The following CDH1 variants were observed in gnomAD, a reference collection of about 807,000 sequenced individuals.
The protein encoded by CDH1 is cadherin 1, also known as cadherin-1.
A neutral mutation model predicts 84.5 loss-of-function variants in CDH1; 35 were observed. The observed-to-expected ratio is 0.41, with a 90% confidence interval of 0.32 to 0.55. The LOEUF is 0.55. Ranked by LOEUF, CDH1 falls within the 20% of genes least tolerant of loss-of-function variation. CDH1 has a pLI of 0.19. For synonymous variants in CDH1, 417 were observed against 439.0 expected (o/e 0.95, Z 0.63); for missense variants, 994 against 1,126.6 (o/e 0.88, Z 1.68).
At position 68,835,265 on chromosome 16, in the gene CDH1, C is replaced by G. The variant is rs1567518896; in HGVS notation, c.*1766C>G. 1 of 228,182 alleles carries G rather than the reference C, an allele frequency of 4.4e-6. No homozygotes were observed. The highest frequency in any genetic ancestry group is 8.7e-6 in the Non-Finnish European group (1 of 115,042). 14.1% of individuals were successfully genotyped at this position (228,182 alleles called of 1,614,324 possible). The stretch of plus-strand genomic sequence containing the variant: ...CAACTTTTGACAATCAAAGAAAAGA[C>G]TTTTGTTGAAATAGCTTTACTGTTT... On this transcript the variant is annotated 3_prime_UTR_variant, in exon 16 of 16. Coordinates refer to ENST00000261769, the MANE Select transcript of CDH1 (RefSeq NM_004360.5).
At chr16:68,760,088 T>TATATA (rs1567482267) in intron 2 of CDH1, among the ~76,000 whole-genome samples, 2,101 of 63,054 alleles carry the variant, frequency 0.033, 22 homozygotes, top group East Asian at 0.092. Flanking sequence ...ATATATATAT[T>TATATA]TTTTTTTTTT....
At chr16:68,825,425 A>T (rs1961294153) in intron 13 of CDH1, among the ~76,000 whole-genome samples, 2 of 152,164 alleles carry the variant, frequency 1.3e-5, no homozygotes. Context: ...AGTGGGACCA[A>T]ATCTAGGGTT....
intron 2 of CDH1, among the ~76,000 whole-genome samples, chr16:68,751,493 CTTAT>C (rs55979620): frequency 4.2e-4 from 63 of 149,234 alleles, no homozygotes; most frequent in South Asian, 1.1e-3. Context: ...TCTTGAACCC[CTTAT>C]TTATTTATTT....
chr16:68,750,370 C>G (rs1005170895), intron 2 of CDH1, among the ~76,000 whole-genome samples: 3 of 150,818 alleles, frequency 2.0e-5, no homozygotes, highest in Non-Finnish European at 4.4e-5. Flanking sequence ...AACTCTTGTT[C>G]CAAATGAGAC....
At chr16:68,804,738 A>C (rs1027263548) in intron 3 of CDH1, among the ~76,000 whole-genome samples, 3 of 151,930 alleles carry the variant, frequency 2.0e-5, no homozygotes, top group African/African-American at 7.3e-5. Flanking sequence ...GTGGTACTGT[A>C]ATTAGATGGC....
intron 2 of CDH1, among the ~76,000 whole-genome samples, chr16:68,785,023 GA>G (rs34654863): frequency 0.028 from 4,268 of 150,084 alleles, 71 homozygotes; most frequent in Non-Finnish European, 0.045. Context: ...GGACACCATT[GA>G]AAAAAAAATA....
rs534442001 is a variant in CDH1 at position 68,810,136 on chromosome 16, C to T, written c.688-61C>T. The T allele has an allele frequency of 1.3e-4, 208 of 1,595,344 alleles. 1 individual carries two copies. In the African/African-American group the frequency reaches 1.4e-3, roughly 10 times the overall value. ...GGGGGCGCACTCTGCTCTGGCTGGG[C>T]CCCTTCTCCCATGTTTTCTTCCTCA... On this transcript the variant is annotated intron_variant, in intron 5 of 15. Transcript: ENST00000261769.
rs1485238301 is a variant in CDH1, at chr16:68,738,322, C to T, written c.74C>T (p.Pro25Leu). The part of the protein sequence containing the change: ...LQVSSWLCQE[P>L]EPCHPGFDAE... ...GTCTCCTCTTGGCTCTGCCAGGAGC[C>T]GGAGCCCTGCCACCCTGGCTTTGAC... The change falls in exon 2 of 16, where the codon CCG becomes CTG. Residue 25 changes from proline (P) to leucine (L), a missense_variant. Physicochemically the swap from Pro to Leu is moderately conservative, Grantham distance 98. This residue lies in a region of CDH1 where 203 missense variants were observed against 194.0 expected (regional missense o/e 1.05). Transcript: ENST00000261769. The T allele has an allele frequency of 6.4e-7, 1 of 1,551,292 alleles. No individual in the cohort carries two copies. Among genetic ancestry groups the T allele is most frequent in the South Asian group, 1.2e-5 (1 of 84,040 alleles).
chr16:68,785,710 A>T (rs1353989198), intron 2 of CDH1, among the ~76,000 whole-genome samples: 1 of 151,550 alleles, frequency 6.6e-6, no homozygotes, highest in Non-Finnish European at 1.5e-5. Flanking sequence ...ATGTGTCTTG[A>T]CGATCATTCC....
At position 68,812,222 on chromosome 16, in the gene CDH1, A is replaced by G. The variant is rs1060501238; in HGVS notation, c.1096A>G (p.Thr366Ala). Reference protein sequence around the residue: ...STTATAVITVTDTNDNPPIFN... With the variant: ...STTATAVITVADTNDNPPIFN... Reference sequence around the variant, plus strand: ...AACAGCAACAGCTGTGATCACAGTCACTGACACCAACGATAATCCTCCGAT... The same window carrying G: ...AACAGCAACAGCTGTGATCACAGTCGCTGACACCAACGATAATCCTCCGAT... Residue 366 changes from threonine (T) to alanine (A), a missense_variant, in exon 8 of 16, where the codon ACT becomes GCT. Transcript: ENST00000261769. The G allele has an allele frequency of 6.2e-7, 1 of 1,614,146 alleles. No individual in the cohort carries two copies. Among genetic ancestry groups the G allele is most frequent in the East Asian group, 2.2e-5 (1 of 44,882 alleles).
At chr16:68,832,745 G>C (rs1961517489) in intron 15 of CDH1, among the ~76,000 whole-genome samples, 1 of 151,878 alleles carries the variant, frequency 6.6e-6, no homozygotes, top group Non-Finnish European at 1.5e-5. Context: ...GCTTGAACCT[G>C]GGAGGCAGAT....
chr16:68,755,760 ATTTTTTT>A (rs34523825), intron 2 of CDH1, among the ~76,000 whole-genome samples: 8 of 122,464 alleles, frequency 6.5e-5, no homozygotes, highest in African/African-American at 2.4e-4. Context: ...AGTTTTCTAA[ATTTTTTT>A]TTTTTTTTTT....
chr16:68,783,827 C>G (rs894887906), intron 2 of CDH1, among the ~76,000 whole-genome samples: 12 of 152,090 alleles, frequency 7.9e-5, no homozygotes, highest in Admixed American at 1.3e-4. Flanking sequence ...CAGGCACCTA[C>G]CACCACGCCT....
intron 11 of CDH1, among the ~76,000 whole-genome samples, chr16:68,820,491 C>T (rs1021717812): frequency 6.6e-6 from 1 of 151,860 alleles, no homozygotes; most frequent in Admixed American, 6.6e-5. Context: ...GCTGGGATTA[C>T]AGGTGTGCAC....
At chr16:68,832,687 G>C (rs548075467) in intron 15 of CDH1, among the ~76,000 whole-genome samples, 61 of 152,052 alleles carry the variant, frequency 4.0e-4, no homozygotes, top group African/African-American at 1.5e-3. Context: ...GGGCATGGTG[G>C]CGCATGCCTG....
rs34192831 is a variant in CDH1 at position 68,792,987 on chromosome 16, C to T, written c.164-8683C>T. 2.1e-3 allele frequency among the ~76,000 whole-genome samples: 318 copies of T among 152,176 alleles called. 2 individuals are homozygous for T. Among genetic ancestry groups the T allele is most frequent in the African/African-American group, 7.3e-3 (305 of 41,520 alleles). On this transcript the variant is annotated intron_variant, in intron 2 of 15. Transcript: ENST00000261769. ...GTTCTGGGCACATATGTTTGGGGGA[C>T]GTTAGAAGGAACTTGATAAGCTTCA...
chr16:68,774,770 GCTACTCA>G (rs956005298), intron 2 of CDH1, among the ~76,000 whole-genome samples: 4 of 152,152 alleles, frequency 2.6e-5, no homozygotes, highest in Non-Finnish European at 4.4e-5. Flanking sequence ...CAGAGCAAAG[GCTACTCA>G]CCAACTGATG....
chr16:68,739,412 G>A (rs112610808), intron 2 of CDH1, among the ~76,000 whole-genome samples: 16 of 151,830 alleles, frequency 1.1e-4, no homozygotes, highest in Middle Eastern at 6.3e-3. Context: ...GCAAGACTCC[G>A]TCTCAAAAAA....
intron 2 of CDH1, among the ~76,000 whole-genome samples, chr16:68,796,837 T>C (rs1960375256): frequency 6.6e-6 from 1 of 152,204 alleles, no homozygotes; most frequent in Non-Finnish European, 1.5e-5. Context: ...TATGTTGTTG[T>C]TGTTTTCAAA....
Sources: gnomAD v4.1 joint callset for allele counts (sites outside exome capture counted in the v4.1 genomes callset) on GRCh38, gnomAD v4.1.1 for gene constraint, gnomAD v4.1.1 regional missense constraint, MANE v1.5 for transcripts, NCBI Gene and HGNC (gene_info 2026-07-23, HGNC 2026-07-21) for gene names.